The following ATG7 variants were observed in gnomAD, a reference collection of about 807,000 sequenced individuals.
The protein encoded by ATG7 is ubiquitin-like modifier-activating enzyme ATG7.
ATG7 carries 70 observed loss-of-function variants against 82.4 expected under a neutral mutation model. The observed-to-expected ratio is 0.85, with a 90% CI of 0.70 to 1.04. The LOEUF is 1.04. Ranked by LOEUF, ATG7 falls within the 50% of genes least tolerant of loss-of-function variation. The probability of loss-of-function intolerance (pLI) is 0.00; values close to 1 mark genes in which losing one functional copy is unlikely to be tolerated. For synonymous variants in ATG7, 287 were observed against 313.0 expected (o/e 0.92, Z 0.88); for missense variants, 792 against 864.3 (o/e 0.92, Z 1.05).
At chr3:11,500,822 G>A (rs2091267660) in intron 20 of ATG7, among the ~76,000 whole-genome samples, 1 of 152,242 alleles carries the variant, frequency 6.6e-6, no homozygotes, top group Non-Finnish European at 1.5e-5. Context: ...CTAGAGACGG[G>A]GTTTCACCAT....
At chr3:11,523,719 A>G (rs1001353221) in intron 20 of ATG7, among the ~76,000 whole-genome samples, 1 of 152,214 alleles carries the variant, frequency 6.6e-6, no homozygotes, top group Non-Finnish European at 1.5e-5. Flanking sequence ...TGGAAACAAA[A>G]CTGTACCTTG....
intron 19 of ATG7, among the ~76,000 whole-genome samples, chr3:11,400,167 A>G (rs1043549163): frequency 7.9e-5 from 12 of 152,176 alleles, no homozygotes; most frequent in Non-Finnish European, 1.6e-4. Context: ...CTCTTAACAC[A>G]AGAATTTCCA....
chr3:11,449,498 TGA>T (rs1011783289), intron 20 of ATG7, among the ~76,000 whole-genome samples: 1 of 151,788 alleles, frequency 6.6e-6, no homozygotes, highest in Admixed American at 6.6e-5. Flanking sequence ...ACTGAGAGGG[TGA>T]GAGAGAGTAT....
intron 19 of ATG7, among the ~76,000 whole-genome samples, chr3:11,419,178 A>T (rs932760085): frequency 3.9e-5 from 6 of 152,228 alleles, no homozygotes; most frequent in African/African-American, 1.2e-4. Flanking sequence ...TAAAAACTTC[A>T]TGTTTCCTCC....
chr3:11,432,681 C>T (rs1256795167), intron 20 of ATG7, among the ~76,000 whole-genome samples: 2 of 152,054 alleles, frequency 1.3e-5, no homozygotes, highest in East Asian at 1.9e-4. Flanking sequence ...GACAGATAGC[C>T]GTATTCTTTG....
intron 20 of ATG7, among the ~76,000 whole-genome samples, chr3:11,501,545 T>TGCATTGATGTC (rs77256485): frequency 8.2e-5 from 1 of 12,236 alleles, no homozygotes; most frequent in African/African-American, 3.2e-4. Context: ...ATAATGATAT[T>TGCATTGATGTC]AATAGATAGG....
intron 20 of ATG7, among the ~76,000 whole-genome samples, chr3:11,450,067 A>T (rs2084960186): frequency 6.6e-6 from 1 of 152,180 alleles, no homozygotes; most frequent in Non-Finnish European, 1.5e-5. Context: ...GATAATAATG[A>T]TGTAATGGCT....
At chr3:11,335,132 G>A (rs987648118) in intron 11 of ATG7, among the ~76,000 whole-genome samples, 1 of 151,976 alleles carries the variant, frequency 6.6e-6, no homozygotes, top group East Asian at 1.9e-4. Flanking sequence ...AAAGGACGAT[G>A]CTGCTTTTCA....
At chr3:11,515,217 T>A (rs1477228287) in intron 20 of ATG7, among the ~76,000 whole-genome samples, 1 of 152,204 alleles carries the variant, frequency 6.6e-6, no homozygotes, top group Non-Finnish European at 1.5e-5. Context: ...AGGGACACTA[T>A]AACACTTAGC....
intron 20 of ATG7, among the ~76,000 whole-genome samples, chr3:11,500,918 T>C (rs1322738438): frequency 6.6e-6 from 1 of 152,188 alleles, no homozygotes; most frequent in African/African-American, 2.4e-5. Context: ...CGTGAGCCAC[T>C]GCACCGCCCA....
chr3:11,487,234 C>G (rs1461663252), intron 20 of ATG7, among the ~76,000 whole-genome samples: 5 of 124,826 alleles, frequency 4.0e-5, no homozygotes, highest in African/African-American at 1.6e-4. Context: ...ATGTCTACTT[C>G]TTTCTACACA....
In ATG7 at chr3:11,286,830, C is replaced by T. The variant is rs145840041; in HGVS notation, c.-11+4392C>T. On this transcript the variant is annotated intron_variant, in intron 3 of 20. Transcript: ENST00000693202. ...ATGTTGCCCAGGCTGGTCTCAAACT[C>T]CTGAGCTCAAGCTATCCTCCCGCCT... Among the ~76,000 whole-genome samples the T allele has an allele frequency of 1.8e-3, 272 of 152,052 alleles. 6 individuals carry two copies. The East Asian group carries it at 0.041, about 23-fold the overall frequency.
At chr3:11,450,682 G>A (rs2085030485) in intron 20 of ATG7, among the ~76,000 whole-genome samples, 1 of 152,188 alleles carries the variant, frequency 6.6e-6, no homozygotes, top group Admixed American at 6.5e-5. Flanking sequence ...CCAGAGAGTT[G>A]CAGGGATATT....
chr3:11,524,777 A>G (rs1445018933), intron 20 of ATG7, among the ~76,000 whole-genome samples: 1 of 151,816 alleles, frequency 6.6e-6, no homozygotes, highest in Non-Finnish European at 1.5e-5. Flanking sequence ...ACAGAGCAAA[A>G]CCCTGTCATT....
chr3:11,454,295 AC>A (rs145420673), intron 20 of ATG7, among the ~76,000 whole-genome samples: 3,573 of 152,194 alleles, frequency 0.023, 136 homozygotes, highest in African/African-American at 0.079. Context: ...GGTAGTTGGG[AC>A]CCCAGGCAAT....
At chr3:11,472,379 C>T (rs1269249503) in intron 20 of ATG7, among the ~76,000 whole-genome samples, 1 of 152,108 alleles carries the variant, frequency 6.6e-6, no homozygotes, top group Non-Finnish European at 1.5e-5. Context: ...TTCCCAATGG[C>T]ACTAGCTAAT....
intron 7 of ATG7, among the ~76,000 whole-genome samples, chr3:11,312,101 G>T (rs1395301149): frequency 6.6e-6 from 1 of 151,454 alleles, no homozygotes; most frequent in Non-Finnish European, 1.5e-5. Flanking sequence ...AGTGATGATG[G>T]TACAACCATA....
chr3:11,416,574 A>T (rs192306863), intron 19 of ATG7, among the ~76,000 whole-genome samples: 10 of 152,312 alleles, frequency 6.6e-5, no homozygotes, highest in Non-Finnish European at 5.9e-5. Context: ...AAGGAATACT[A>T]TCACTAAAAA....
intron 8 of ATG7, 149 bp from the exon 9 acceptor site, chr3:11,315,195 C>T (rs1196093945): frequency 7.4e-6 from 5 of 671,702 alleles, no homozygotes; most frequent in Non-Finnish European, 4.5e-6. Context: ...GGAGGCACTT[C>T]TATGTTCACT....
Sources: allele counts gnomAD v4.1 joint callset (sites outside exome capture counted in the v4.1 genomes callset), GRCh38; gene constraint gnomAD v4.1.1; transcripts MANE v1.5; gene names NCBI Gene and HGNC (gene_info 2026-07-23, HGNC 2026-07-21).